TRIM2: variants seen among roughly 807,000 people sequenced by gnomAD.
TRIM2 encodes tripartite motif containing 2.
A neutral mutation model predicts 75.2 loss-of-function variants in TRIM2; 20 were observed. That is an observed-to-expected ratio of 0.27 (90% CI 0.19 to 0.39). TRIM2 has a LOEUF of 0.39. TRIM2 is among the 10% of genes least tolerant of loss of function. The probability of loss-of-function intolerance (pLI) is 1.00; values close to 1 mark genes in which losing one functional copy is unlikely to be tolerated. For missense variants in TRIM2, 660 were observed against 990.8 expected (o/e 0.67, Z 4.48); for synonymous variants, 373 against 388.3 (o/e 0.96, Z 0.46).
Position 153,335,674 on chromosome 4 carries a change from C to T in TRIM2, c.*708C>T, listed in dbSNP as rs2149609904. The T allele has an allele frequency of 2.0e-6, 2 of 985,432 alleles. No individual in the cohort carries two copies. Among genetic ancestry groups the T allele is most frequent in the East Asian group, 1.1e-4 (1 of 8,814 alleles). 61.0% of individuals were successfully genotyped at this position (985,432 alleles called of 1,614,324 possible). On this transcript the variant is annotated 3_prime_UTR_variant, in exon 12 of 12. Transcript: ENST00000338700. The stretch of plus-strand genomic sequence containing the variant: ...CAAACAAAGTACTTCTTCAGGGAAA[C>T]CTGAAATTTCTAATGCCTTGAAAAG...
At chr4:153,312,862 A>G (rs1327221141) in intron 6 of TRIM2, among the ~76,000 whole-genome samples, 1 of 152,144 alleles carries the variant, frequency 6.6e-6, no homozygotes. Flanking sequence ...TGAGCATTTT[A>G]GAATTGTTTC....
chr4:153,299,118 C>A (rs1055148109), intron 6 of TRIM2, among the ~76,000 whole-genome samples: 4 of 152,092 alleles, frequency 2.6e-5, no homozygotes, highest in African/African-American at 9.7e-5. Flanking sequence ...ATTTTTCTGT[C>A]TTTTGATCAA....
At chr4:153,281,271 T>C (rs537681845) in intron 3 of TRIM2, among the ~76,000 whole-genome samples, 84 of 152,278 alleles carry the variant, frequency 5.5e-4, no homozygotes, top group African/African-American at 1.9e-3. Flanking sequence ...TTTGACAAAA[T>C]ATAATGAGTG....
At chr4:153,286,232 G>A (rs1235516774) in intron 3 of TRIM2, among the ~76,000 whole-genome samples, 3 of 152,072 alleles carry the variant, frequency 2.0e-5, no homozygotes, top group African/African-American at 7.2e-5. Flanking sequence ...CAGTTTGCTA[G>A]CATTTTATTA....
chr4:153,169,144 T>C (rs1730599139), intron 1 of TRIM2, among the ~76,000 whole-genome samples: 2 of 152,242 alleles, frequency 1.3e-5, no homozygotes, highest in African/African-American at 4.8e-5. Flanking sequence ...CTAGCACTTA[T>C]TCAAAATTCT....
chr4:153,296,845 C>T (rs779858138), intron 6 of TRIM2, among the ~76,000 whole-genome samples: 3 of 152,222 alleles, frequency 2.0e-5, no homozygotes, highest in Non-Finnish European at 4.4e-5. Flanking sequence ...CTCCAGCAGA[C>T]TTCTTTTCCT....
At chr4:153,212,373 T>C (rs904779134) in intron 1 of TRIM2, among the ~76,000 whole-genome samples, 3 of 152,174 alleles carry the variant, frequency 2.0e-5, no homozygotes, top group African/African-American at 2.4e-5. Flanking sequence ...ATAATAGGCA[T>C]TGGAGGCTCC....
chr4:153,246,781 A>G (rs1301561665), intron 1 of TRIM2, among the ~76,000 whole-genome samples: 1 of 152,194 alleles, frequency 6.6e-6, no homozygotes, highest in East Asian at 1.9e-4. Context: ...CACCCTGACC[A>G]AGGGCTCACA....
intron 1 of TRIM2, among the ~76,000 whole-genome samples, chr4:153,195,484 C>T (rs1733671247): frequency 6.6e-6 from 1 of 152,020 alleles, no homozygotes; most frequent in Non-Finnish European, 1.5e-5. Context: ...CCACTACGCT[C>T]CAGCCTGGGA....
At chr4:153,155,906 A>T (rs1006685726) in intron 1 of TRIM2, among the ~76,000 whole-genome samples, 2 of 152,202 alleles carry the variant, frequency 1.3e-5, no homozygotes, top group Admixed American at 1.3e-4. Flanking sequence ...GGGAGCATAG[A>T]TATCCAAGGA....
At position 153,260,418 on chromosome 4, in the gene TRIM2, G is replaced by C. The variant is rs116257630; in HGVS notation, c.31-9917G>C. Among the ~76,000 whole-genome samples the C allele has an allele frequency of 3.2e-3, 484 of 152,136 alleles. 1 individual carries two copies. The highest frequency in any genetic ancestry group is 0.011 in the African/African-American group (458 of 41,500). On this transcript the variant is annotated intron_variant, in intron 1 of 11. Coordinates refer to ENST00000338700, the MANE Select transcript of TRIM2 (RefSeq NM_015271.5). ...ATCTTAACAATCGGCTGCCAAAGGT[G>C]AGGCAATGGCCTTCTTTATATACTA...
intron 1 of TRIM2, among the ~76,000 whole-genome samples, chr4:153,212,663 AAAAGAAAAAG>A (rs1055885493): frequency 2.0e-5 from 3 of 152,208 alleles, no homozygotes; most frequent in Admixed American, 6.5e-5. Flanking sequence ...CTCTAGGAAA[AAAAGAAAAAG>A]AAAGAAAAAG....
At chr4:153,175,326 G>C (rs939836071) in intron 1 of TRIM2, among the ~76,000 whole-genome samples, 14 of 152,000 alleles carry the variant, frequency 9.2e-5, no homozygotes, top group Non-Finnish European at 1.9e-4. Context: ...GGCCCCAACT[G>C]GTGCAGTTTT....
At chr4:153,322,589 G>C in intron 8 of TRIM2, 59 bp from the exon 9 acceptor site, 1 of 1,565,114 alleles carries the variant, frequency 6.4e-7, no homozygotes, top group Non-Finnish European at 8.7e-7. Flanking sequence ...TTCATGTTCT[G>C]TAGTGGTTTA....
chr4:153,283,642 C>CTTTTTT (rs766776861), intron 3 of TRIM2, among the ~76,000 whole-genome samples: 1 of 124,590 alleles, frequency 8.0e-6, no homozygotes, highest in Non-Finnish European at 1.6e-5. Context: ...TGTTTTTTTT[C>CTTTTTT]TTTTTTTTTT....
intron 8 of TRIM2, among the ~76,000 whole-genome samples, chr4:153,321,553 C>G (rs1475961760): frequency 6.6e-6 from 1 of 151,998 alleles, no homozygotes; most frequent in Admixed American, 6.6e-5. Flanking sequence ...AAAAGTGGAG[C>G]CATTTAATCA....
intron 2 of TRIM2, among the ~76,000 whole-genome samples, chr4:153,272,285 A>T (rs1346092284): frequency 2.0e-5 from 3 of 151,900 alleles, no homozygotes; most frequent in Non-Finnish European, 4.4e-5. Context: ...AGTAGCTAGG[A>T]CTACAGGTGC....
Position 153,244,437 on chromosome 4 carries a change from T to TC in TRIM2, c.31-25898_31-25897insC, listed in dbSNP as rs1206105496. Among the ~76,000 whole-genome samples, 73 of 102,468 alleles carry TC rather than the reference T, an allele frequency of 7.1e-4. 7 individuals are homozygous for TC. The highest frequency in any genetic ancestry group is 2.2e-3 in the African/African-American group (41 of 18,482). The allele number at this position is 102,468 out of a possible 152,430, so 67.2% of individuals were successfully genotyped here. ...TTCTTCTTCTTCTTCTTCTTCTTCT[T>TC]TTAATTAGAGAGGAGGCCTCACTAT... On this transcript the variant is annotated intron_variant, in intron 1 of 11. Transcript: ENST00000338700.
chr4:153,339,230 T>C lies in TRIM2; in HGVS notation c.*4264T>C. ...ACAATGAAACTTTCAATTAATTCTG[T>C]CTTGAAACATAGGAGAAACAGGATT... On this transcript the variant is annotated 3_prime_UTR_variant, in exon 12 of 12. Transcript: ENST00000338700. The C allele has an allele frequency of 5.1e-6, 5 of 978,794 alleles. No homozygotes were observed. The highest frequency in any genetic ancestry group is 6.1e-6 in the Non-Finnish European group (5 of 823,492). The allele number at this position is 978,794 out of a possible 1,614,324, so 60.6% of individuals were successfully genotyped here. A position where few individuals can be genotyped will look rare whatever the true frequency, so the allele number is the denominator to read the frequency against.
Sources: gnomAD v4.1 joint callset for allele counts (sites outside exome capture counted in the v4.1 genomes callset) on GRCh38, gnomAD v4.1.1 for gene constraint, MANE v1.5 for transcripts, NCBI Gene and HGNC (gene_info 2026-07-23, HGNC 2026-07-21) for gene names.